The following KDM4B variants were observed in gnomAD, a reference collection of about 807,000 sequenced individuals.
KDM4B encodes lysine demethylase 4B.
A neutral mutation model predicts 125.2 loss-of-function variants in KDM4B; 32 were observed. That is an observed-to-expected ratio of 0.26 (90% CI 0.19 to 0.34). KDM4B has a LOEUF of 0.34. KDM4B is among the 10% of genes least tolerant of loss of function. The pLI, the probability that KDM4B is intolerant of heterozygous loss-of-function variation, is 1.00. For synonymous variants in KDM4B, 721 were observed against 677.9 expected (o/e 1.06, Z -0.99); for missense variants, 1,190 against 1,577.7 (o/e 0.75, Z 4.16).
At chr19:5,098,084 C>G (rs1448552846) in intron 9 of KDM4B, among the ~76,000 whole-genome samples, 1 of 152,228 alleles carries the variant, frequency 6.6e-6, no homozygotes, top group African/African-American at 2.4e-5. Context: ...GAGGCAGAGG[C>G]AGACACAGCC....
chr19:5,103,979 C>G (rs2038986982), intron 9 of KDM4B, among the ~76,000 whole-genome samples: 2 of 152,252 alleles, frequency 1.3e-5, no homozygotes, highest in South Asian at 4.1e-4. Context: ...GGCTTGGCCA[C>G]CCGCACATCA....
At position 5,146,757 on chromosome 19, in the gene KDM4B, C is replaced by CT. The variant is rs2039853408; in HGVS notation, c.3021+1855_3021+1856insT. On this transcript the variant is annotated intron_variant, in intron 21 of 22. Coordinates refer to ENST00000159111, the MANE Select transcript of KDM4B (RefSeq NM_015015.3). ...GCCTGGGCAACAAAGTGAGACCCCCCCCCCCCCCACAATCTCTACAAAAAA... is the reference window on the plus strand; with the variant it reads ...GCCTGGGCAACAAAGTGAGACCCCCCTCCCCCCCCACAATCTCTACAAAAAA... Among the ~76,000 whole-genome samples the CT allele has an allele frequency of 3.2e-5, 2 of 63,404 alleles. 1 individual carries two copies. The highest frequency in any genetic ancestry group is 1.4e-4 in the African/African-American group (2 of 14,660). The allele number at this position is 63,404 out of a possible 152,430, so 41.6% of individuals were successfully genotyped here.
In KDM4B at chr19:5,039,850, G is replaced by A; in HGVS notation, c.156G>A (p.Lys52=). The A allele has an allele frequency of 6.2e-7, 1 of 1,612,692 alleles. No individual in the cohort carries two copies. The highest frequency in any genetic ancestry group is 8.5e-7 in the Non-Finnish European group (1 of 1,179,716). The change falls in exon 4 of 23, where the codon AAG becomes AAA. Residue 52 remains lysine (K), a synonymous_variant. Transcript: ENST00000159111. ...TGGTCTTGCAGATCATCCCCCCGAA[G>A]GAGTGGAAGCCGCGGCAGACGTATG... The part of the protein sequence containing the change: ...RAGLAKIIPP[K]EWKPRQTYDD...
intron 5 of KDM4B, among the ~76,000 whole-genome samples, chr19:5,045,723 T>G (rs1372097059): frequency 1.3e-5 from 2 of 152,194 alleles, no homozygotes; most frequent in Non-Finnish European, 2.9e-5. Flanking sequence ...TCTGCCCGCC[T>G]TGGCCTCCCA....
intron 1 of KDM4B, among the ~76,000 whole-genome samples, chr19:5,003,805 G>T (rs928619060): frequency 2.6e-5 from 4 of 151,962 alleles, no homozygotes; most frequent in African/African-American, 9.7e-5. Context: ...GTGAGACCCC[G>T]TCTAAAAAAA....
chr19:5,029,342 C>A (rs2036378571), intron 2 of KDM4B, among the ~76,000 whole-genome samples: 1 of 152,220 alleles, frequency 6.6e-6, no homozygotes, highest in Non-Finnish European at 1.5e-5. Flanking sequence ...TGTCTGATGC[C>A]CCCGAGTCAT....
In KDM4B at chr19:5,115,344, G is replaced by A. The variant is rs2039234854; in HGVS notation, c.1116-4309G>A. On this transcript the variant is annotated intron_variant, in intron 10 of 22. Coordinates refer to ENST00000159111, the MANE Select transcript of KDM4B (RefSeq NM_015015.3). The surrounding 1 kb of genome is among the most constrained non-coding windows in gnomAD (Gnocchi z 4.2). ...CTGGGCAGAAGGGAGGCGCCTTCCT[G>A]GGGTCAGCAGTGGGGCCCAGCTGCC... Among the ~76,000 whole-genome samples, 1 of 152,138 alleles carries A rather than the reference G, an allele frequency of 6.6e-6. No homozygotes were observed. The highest frequency in any genetic ancestry group is 6.5e-5 in the Admixed American group (1 of 15,282).
Position 5,110,708 on chromosome 19 carries a change from G to A in KDM4B, c.1005G>A (p.Gln335=), listed in dbSNP as rs765151636. ...LQPERYELWK[Q]GKDLTVLDHT... is the part of the protein sequence containing the mutation. ...CCGAGCGCTACGAGCTGTGGAAGCAGGGCAAGGACCTCACGGTGCTGGACC... is the reference window on the plus strand; with the variant it reads ...CCGAGCGCTACGAGCTGTGGAAGCAAGGCAAGGACCTCACGGTGCTGGACC... Residue 335 remains glutamine (Q), a synonymous_variant, in exon 10 of 23, where the codon CAG becomes CAA. Transcript: ENST00000159111. 1 of 1,612,958 alleles carries A rather than the reference G, an allele frequency of 6.2e-7. No individual in the cohort carries two copies. Among genetic ancestry groups the A allele is most frequent in the South Asian group, 1.1e-5 (1 of 91,078 alleles).
chr19:4,972,808 C>T lies in KDM4B; in HGVS notation c.-109+3578C>T, dbSNP rs1300482894. Among the ~76,000 whole-genome samples, 9 of 152,332 alleles carry T rather than the reference C, an allele frequency of 5.9e-5. No homozygotes were observed. The East Asian group carries it at 9.6e-4, about 16-fold the overall frequency. On this transcript the variant is annotated intron_variant, in intron 1 of 22. Coordinates refer to ENST00000159111, the MANE Select transcript of KDM4B (RefSeq NM_015015.3). ...TCCTCACCTGGTTGTTCAGGTTCTC[C>T]GTGACTGTCCTTCTGCCCTTCCAGG...
chr19:5,111,083 C>T (rs982502013), intron 10 of KDM4B, among the ~76,000 whole-genome samples: 2 of 152,214 alleles, frequency 1.3e-5, no homozygotes, highest in African/African-American at 4.8e-5. Context: ...CGTTCACACC[C>T]GCGGGCTCCC....
chr19:5,015,822 C>A (rs970398660), intron 1 of KDM4B, among the ~76,000 whole-genome samples: 1 of 152,234 alleles, frequency 6.6e-6, no homozygotes, highest in African/African-American at 2.4e-5. Context: ...GGCCCCTGTG[C>A]GGTCGCAGCC....
intron 11 of KDM4B, among the ~76,000 whole-genome samples, chr19:5,122,070 C>T (rs975884149): frequency 1.1e-4 from 17 of 152,182 alleles, no homozygotes; most frequent in Non-Finnish European, 2.4e-4. Flanking sequence ...AACACACGCT[C>T]CTTGTCTCAC....
chr19:5,095,279 T>G (rs987728150), intron 9 of KDM4B, among the ~76,000 whole-genome samples: 7 of 152,192 alleles, frequency 4.6e-5, no homozygotes, highest in African/African-American at 1.7e-4. Flanking sequence ...ATGATCCCCG[T>G]GGTCAGATGC....
In KDM4B at chr19:5,144,394, G is replaced by A. The variant is rs778550074; in HGVS notation, c.2883G>A (p.Leu961=). Residue 961 remains leucine (L), a synonymous_variant, in exon 20 of 23, where the codon CTG becomes CTA. Coordinates refer to ENST00000159111, the MANE Select transcript of KDM4B (RefSeq NM_015015.3). The stretch of plus-strand genomic sequence containing the variant: ...ACGATGGCTCCTACAGCGACAACCT[G>A]TACCCTGAGAGCATCACGGTGAGCT... ...NFDDGSYSDN[L]YPESITSRDC... is the part of the protein sequence containing the mutation. 15 of 1,547,682 alleles carry A rather than the reference G, an allele frequency of 9.7e-6. No homozygotes were observed. The Admixed American group carries it at 2.8e-4, about 29-fold the overall frequency.
intron 6 of KDM4B, among the ~76,000 whole-genome samples, chr19:5,069,652 C>T (rs544495716): frequency 5.3e-4 from 78 of 146,468 alleles, no homozygotes; most frequent in Middle Eastern, 4.2e-3. Flanking sequence ...CTCACTCTCT[C>T]GCCCAGGCTG....
chr19:5,125,655 C>T (rs764003659), intron 11 of KDM4B, among the ~76,000 whole-genome samples: 26 of 152,314 alleles, frequency 1.7e-4, no homozygotes, highest in Non-Finnish European at 1.5e-4. Context: ...GTGGCTTCCA[C>T]GGGTCTCTGA....
chr19:5,059,784 G>T (rs912505044), intron 6 of KDM4B, among the ~76,000 whole-genome samples: 2 of 57,632 alleles, frequency 3.5e-5, no homozygotes, highest in Admixed American at 3.5e-4. Flanking sequence ...ATAAATGTAA[G>T]CATAGAGGCA....
At position 5,119,400 on chromosome 19, in the gene KDM4B, C is replaced by T. The variant is rs567669497; in HGVS notation, c.1116-253C>T. On this transcript the variant is annotated intron_variant, in intron 10 of 22. Coordinates refer to ENST00000159111, the MANE Select transcript of KDM4B (RefSeq NM_015015.3). ...ATCTCCAGCTGTCATCAGCGTCCCC[C>T]GCTTGACACCGTCCCCGCCGTGTCC... Among the ~76,000 whole-genome samples the T allele has an allele frequency of 1.8e-3, 274 of 152,298 alleles. 2 individuals carry two copies. Among genetic ancestry groups the T allele is most frequent in the Middle Eastern group, 3.4e-3 (1 of 294 alleles).
chr19:5,012,479 C>G (rs986802230), intron 1 of KDM4B, among the ~76,000 whole-genome samples: 1 of 151,824 alleles, frequency 6.6e-6, no homozygotes, highest in Non-Finnish European at 1.5e-5. Context: ...CGTAGCCGTC[C>G]CAGGATCCTT....
Sources: gnomAD v4.1 joint callset for allele counts (sites outside exome capture counted in the v4.1 genomes callset) on GRCh38, gnomAD v4.1.1 for gene constraint, Gnocchi (gnomAD v3.1) non-coding constraint, MANE v1.5 for transcripts, NCBI Gene and HGNC (gene_info 2026-07-23, HGNC 2026-07-21) for gene names.